Variants in XKR4 observed in about 807,000 individuals in gnomAD.
The protein encoded by XKR4 is XK related 4.
In XKR4, 12 loss-of-function variants were observed where a neutral mutation model predicts 53.9. The ratio of observed to expected loss-of-function variants is 0.22; its 90% confidence interval spans 0.14 to 0.36. XKR4 has a LOEUF of 0.36. Ranked by LOEUF, XKR4 falls within the 10% of genes least tolerant of loss-of-function variation. XKR4 has a pLI of 1.00. For missense variants in XKR4, 799 were observed against 859.5 expected (o/e 0.93, Z 0.88); for synonymous variants, 354 against 362.4 (o/e 0.98, Z 0.26).
chr8:55,187,707 T>C (rs1793353448), intron 1 of XKR4, among the ~76,000 whole-genome samples: 1 of 152,246 alleles, frequency 6.6e-6, no homozygotes, highest in Admixed American at 6.5e-5. Context: ...TCTTAGCTCA[T>C]TGGTAATTCT....
chr8:55,481,739 A>T (rs934425922), intron 2 of XKR4, among the ~76,000 whole-genome samples: 19 of 152,202 alleles, frequency 1.2e-4, no homozygotes, highest in Non-Finnish European at 2.2e-4. Flanking sequence ...GGCAAAGGAT[A>T]TGAACACACA....
intron 2 of XKR4, chr8:55,517,308 T>C (rs977298232): frequency 4.0e-5 from 6 of 150,586 alleles, no homozygotes; most frequent in African/African-American, 1.5e-4. Flanking sequence ...TTTTTTTAAA[T>C]GACAGGGGAA....
intron 2 of XKR4, among the ~76,000 whole-genome samples, chr8:55,443,901 G>C (rs1007545785): frequency 1.3e-5 from 2 of 150,972 alleles, no homozygotes; most frequent in Non-Finnish European, 3.0e-5. Context: ...CCAGGCACAG[G>C]GGCTCACACC....
intron 2 of XKR4, among the ~76,000 whole-genome samples, chr8:55,455,294 C>T (rs1000738993): frequency 1.3e-5 from 2 of 151,626 alleles, no homozygotes; most frequent in East Asian, 1.9e-4. Flanking sequence ...GGGCTCCAGA[C>T]ACCATCTTCT....
chr8:55,102,335 CG>C lies in XKR4; in HGVS notation c.-152del. 9.8e-7 allele frequency: 1 copy of C among 1,023,094 alleles called. No individual in the cohort carries two copies. Among genetic ancestry groups the C allele is most frequent in the Non-Finnish European group, 1.2e-6 (1 of 836,020 alleles). 63.4% of individuals were successfully genotyped at this position (1,023,094 alleles called of 1,614,324 possible). On this transcript the variant is annotated 5_prime_UTR_variant, in exon 1 of 3. Transcript: ENST00000327381. The surrounding 1 kb of genome is among the most constrained non-coding windows in gnomAD (Gnocchi z 5.1). The stretch of plus-strand genomic sequence containing the variant: ...GCCCAGCCCGGCGGGCGGCGGGCGG[CG>C]GCGGACGGCAGGCGAGCCGACGCAG...
intron 2 of XKR4, among the ~76,000 whole-genome samples, chr8:55,420,861 G>T (rs1303409350): frequency 4.6e-5 from 7 of 151,956 alleles, no homozygotes; most frequent in African/African-American, 7.3e-5. Flanking sequence ...TGCTCAGATA[G>T]TATGATAAAC....
intron 2 of XKR4, among the ~76,000 whole-genome samples, chr8:55,373,200 C>T (rs1745532772): frequency 1.3e-5 from 2 of 152,082 alleles, no homozygotes; most frequent in South Asian, 4.2e-4. Context: ...GGAGACTCAC[C>T]CTGTCGTCTA....
intron 1 of XKR4, among the ~76,000 whole-genome samples, chr8:55,226,272 T>G (rs776963341): frequency 1.3e-5 from 2 of 152,214 alleles, no homozygotes; most frequent in African/African-American, 2.4e-5. Flanking sequence ...AGCAAGAGTA[T>G]AAATCTTTTC....
At chr8:55,481,092 T>A (rs977402508) in intron 2 of XKR4, among the ~76,000 whole-genome samples, 9 of 152,162 alleles carry the variant, frequency 5.9e-5, no homozygotes. Flanking sequence ...CATTGCCAAG[T>A]CAATCCTAAG....
intron 1 of XKR4, among the ~76,000 whole-genome samples, chr8:55,270,052 A>G (rs1818664437): frequency 6.6e-6 from 1 of 152,182 alleles, no homozygotes; most frequent in South Asian, 2.1e-4. Context: ...AATGTGAATT[A>G]AGCATCCTCA....
At chr8:55,165,033 G>A (rs1377637534) in intron 1 of XKR4, among the ~76,000 whole-genome samples, 1 of 152,206 alleles carries the variant, frequency 6.6e-6, no homozygotes, top group East Asian at 1.9e-4. Context: ...CCCAGTGGCA[G>A]AAAGGAAGTA....
intron 1 of XKR4, among the ~76,000 whole-genome samples, chr8:55,226,406 TA>T (rs1817953104): frequency 1.3e-5 from 2 of 152,180 alleles, no homozygotes; most frequent in Admixed American, 6.5e-5. Flanking sequence ...AAAGGCATGG[TA>T]AAAGAGGTCT....
intron 1 of XKR4, among the ~76,000 whole-genome samples, chr8:55,228,544 G>A (rs1817989065): frequency 1.3e-5 from 2 of 151,608 alleles, no homozygotes; most frequent in South Asian, 4.2e-4. Context: ...AATATAAATG[G>A]AATAATTAAA....
chr8:55,189,332 C>T (rs1474017637), intron 1 of XKR4, among the ~76,000 whole-genome samples: 1 of 152,136 alleles, frequency 6.6e-6, no homozygotes, highest in Non-Finnish European at 1.5e-5. Context: ...AAACGTCTGC[C>T]GAGGCACAGC....
chr8:55,139,859 A>T (rs955833597), intron 1 of XKR4, among the ~76,000 whole-genome samples: 2 of 152,192 alleles, frequency 1.3e-5, no homozygotes, highest in Admixed American at 6.5e-5. Flanking sequence ...GCTATTATTT[A>T]TCTCATCCTC....
rs898067873 is a variant in XKR4 at position 55,329,385 on chromosome 8, T to C, written c.807-28293T>C. The stretch of plus-strand genomic sequence containing the variant: ...AAACATGAGATTTTTTTTTTTGCAC[T>C]TTTTTTTTTTTAGCTCATCAGGTAT... On this transcript the variant is annotated intron_variant, in intron 1 of 2. Coordinates refer to ENST00000327381, the MANE Select transcript of XKR4 (RefSeq NM_052898.2). 5.0e-5 allele frequency among the ~76,000 whole-genome samples: 7 copies of C among 141,306 alleles called. No homozygotes were observed. In the Admixed American group the frequency reaches 5.0e-4, roughly 10 times the overall value. 92.7% of individuals were successfully genotyped at this position (141,306 alleles called of 152,430 possible).
intron 1 of XKR4, among the ~76,000 whole-genome samples, chr8:55,277,195 A>C (rs948421435): frequency 6.6e-6 from 1 of 152,208 alleles, no homozygotes; most frequent in African/African-American, 2.4e-5. Flanking sequence ...ACCCTGTTCA[A>C]TTATGTGCAT....
chr8:55,284,738 T>G (rs556339597), intron 1 of XKR4, among the ~76,000 whole-genome samples: 1 of 152,240 alleles, frequency 6.6e-6, no homozygotes, highest in South Asian at 2.1e-4. Flanking sequence ...ATTCCATTCA[T>G]TAGAAGCAAG....
chr8:55,131,498 G>C (rs981748210), intron 1 of XKR4, among the ~76,000 whole-genome samples: 5 of 152,086 alleles, frequency 3.3e-5, no homozygotes, highest in African/African-American at 9.7e-5. Flanking sequence ...TTTCTCTCTT[G>C]CCTATTCTCA....
Sources: gnomAD v4.1 joint callset for allele counts (sites outside exome capture counted in the v4.1 genomes callset) on GRCh38, gnomAD v4.1.1 for gene constraint, Gnocchi (gnomAD v3.1) non-coding constraint, MANE v1.5 for transcripts, NCBI Gene and HGNC (gene_info 2026-07-23, HGNC 2026-07-21) for gene names.